SLC26A5: variants seen among roughly 807,000 people sequenced by gnomAD.
The protein encoded by SLC26A5 is solute carrier family 26 member 5, also known as prestin.
A neutral mutation model predicts 81.0 loss-of-function variants in SLC26A5; 51 were observed. The ratio of observed to expected loss-of-function variants is 0.63; its 90% CI spans 0.50 to 0.80. The LOEUF (loss-of-function observed/expected upper bound fraction) is 0.80. Among genes scored for constraint, SLC26A5 ranks in the 30% least tolerant of loss-of-function variants. The pLI, the probability that SLC26A5 is intolerant of heterozygous loss-of-function variation, is 0.00. For synonymous variants in SLC26A5, 325 were observed against 332.8 expected (o/e 0.98, Z 0.25); for missense variants, 771 against 905.8 (o/e 0.85, Z 1.91).
Position 103,398,051 on chromosome 7 carries a change from G to T in SLC26A5, c.889-37C>A, listed in dbSNP as rs776411168. ...CAAATCCAAATGCACCTTTAGAGAT[G>T]AATGTTCAAATACTGCAAAAATCAG... On this transcript the variant is annotated intron_variant, in intron 8 of 19. Transcript: ENST00000306312. 7.9e-6 allele frequency: 12 copies of T among 1,517,580 alleles called. No individual in the cohort carries two copies. The Admixed American group carries it at 1.8e-4, about 23-fold the overall frequency. 94.0% of individuals were successfully genotyped at this position (1,517,580 alleles called of 1,614,324 possible).
intron 8 of SLC26A5, among the ~76,000 whole-genome samples, chr7:103,403,274 A>G: frequency 6.6e-6 from 1 of 152,086 alleles, no homozygotes. Context: ...GTATTTGCTA[A>G]GTGTTTTACT....
intron 4 of SLC26A5, among the ~76,000 whole-genome samples, chr7:103,420,222 T>C (rs1336347102): frequency 6.6e-6 from 1 of 151,068 alleles, no homozygotes; most frequent in Admixed American, 6.6e-5. Flanking sequence ...AGTGGTAAGA[T>C]AATGCCCAAG....
At chr7:103,419,829 C>A (rs931125780) in intron 4 of SLC26A5, among the ~76,000 whole-genome samples, 1 of 152,090 alleles carries the variant, frequency 6.6e-6, no homozygotes, top group Non-Finnish European at 1.5e-5. Context: ...TAAGCCACCA[C>A]AGCCGGCCCT....
intron 19 of SLC26A5, among the ~76,000 whole-genome samples, chr7:103,356,236 T>G (rs1415051900): frequency 6.6e-6 from 1 of 152,202 alleles, no homozygotes; most frequent in African/African-American, 2.4e-5. Flanking sequence ...TTTCTTGTGT[T>G]TTTAAAAAAT....
intron 19 of SLC26A5, 39 bp downstream of exon 19, chr7:103,376,768 TA>T: frequency 7.1e-7 from 1 of 1,412,016 alleles, no homozygotes; most frequent in Non-Finnish European, 1.0e-6. Flanking sequence ...GAAACAAAAC[TA>T]AAATATTAAG....
chr7:103,363,268 A>C, intron 19 of SLC26A5: 1 of 1,145,310 alleles, frequency 8.7e-7, no homozygotes, highest in Non-Finnish European at 1.3e-6. Flanking sequence ...TTAAGGTATT[A>C]GGTCTATTCT....
chr7:103,404,248 G>T (rs1823845584), intron 8 of SLC26A5, among the ~76,000 whole-genome samples: 1 of 151,852 alleles, frequency 6.6e-6, no homozygotes, highest in Admixed American at 6.6e-5. Context: ...TGGTTATTTT[G>T]CCCATTAGTT....
intron 14 of SLC26A5, chr7:103,388,574 G>C (rs1822394263): frequency 9.6e-6 from 3 of 311,646 alleles, no homozygotes. Flanking sequence ...GATAACAAGG[G>C]AAAGTGGTTC....
chr7:103,398,101 C>A, intron 8 of SLC26A5, 87 bp from the exon 9 acceptor site: 2 of 976,028 alleles, frequency 2.0e-6, no homozygotes, highest in Non-Finnish European at 3.3e-6. Flanking sequence ...TTAGTCAAGT[C>A]AAATCTATTC....
chr7:103,401,549 T>C (rs1017002214), intron 8 of SLC26A5, among the ~76,000 whole-genome samples: 1 of 152,208 alleles, frequency 6.6e-6, no homozygotes, highest in African/African-American at 2.4e-5. Flanking sequence ...GAATACCCTT[T>C]ATTTCTTTCT....
At chr7:103,362,095 T>C (rs769997621) in intron 19 of SLC26A5, 2 of 1,612,344 alleles carry the variant, frequency 1.2e-6, no homozygotes, top group Non-Finnish European at 1.7e-6. Context: ...TGGGGTAAGA[T>C]TTCTATTTAC....
At chr7:103,436,711 T>C (rs906747491) in intron 2 of SLC26A5, among the ~76,000 whole-genome samples, 11 of 152,186 alleles carry the variant, frequency 7.2e-5, no homozygotes, top group Non-Finnish European at 1.5e-4. Context: ...GTCTCTTCAA[T>C]AAATGGTGCT....
At chr7:103,365,286 C>T (rs1820651545) in intron 19 of SLC26A5, among the ~76,000 whole-genome samples, 1 of 152,012 alleles carries the variant, frequency 6.6e-6, no homozygotes, top group African/African-American at 2.4e-5. Flanking sequence ...TATTTTAAGG[C>T]TGGCAAGATT....
chr7:103,353,466 C>G (rs896969787), intron 19 of SLC26A5, among the ~76,000 whole-genome samples: 14 of 152,158 alleles, frequency 9.2e-5, no homozygotes, highest in African/African-American at 3.4e-4. Flanking sequence ...GCCACCATGC[C>G]AGGCCAATTT....
At chr7:103,428,311 A>C (rs1825838679) in intron 2 of SLC26A5, among the ~76,000 whole-genome samples, 1 of 152,200 alleles carries the variant, frequency 6.6e-6, no homozygotes, top group Non-Finnish European at 1.5e-5. Context: ...TTAGGGCTAA[A>C]AAATGCTTGC....
chr7:103,424,215 C>T (rs1338479401), intron 2 of SLC26A5, among the ~76,000 whole-genome samples: 1 of 152,178 alleles, frequency 6.6e-6, no homozygotes, highest in Admixed American at 6.5e-5. Flanking sequence ...ATCTTCCAAA[C>T]CCTTGTTCTG....
At chr7:103,371,886 A>G (rs1341452511), downstream of SLC26A5, among the ~76,000 whole-genome samples, 3 of 150,832 alleles carry the variant, frequency 2.0e-5, no homozygotes, top group Non-Finnish European at 4.4e-5. Flanking sequence ...AAATAGAGAC[A>G]GGGTTTCACC....
At chr7:103,370,766 T>C (rs987821371), downstream of SLC26A5, among the ~76,000 whole-genome samples, 12 of 152,202 alleles carry the variant, frequency 7.9e-5, no homozygotes, top group African/African-American at 2.2e-4. Context: ...GGTTCACAAA[T>C]GTTTTCAAAC....
downstream of SLC26A5, among the ~76,000 whole-genome samples, chr7:103,370,948 C>T (rs1462383522): frequency 6.6e-6 from 1 of 152,040 alleles, no homozygotes; most frequent in Non-Finnish European, 1.5e-5. Context: ...TTTGATAGGA[C>T]AATATGAACC....
Sources: allele counts gnomAD v4.1 joint callset (sites outside exome capture counted in the v4.1 genomes callset), GRCh38; gene constraint gnomAD v4.1.1; transcripts MANE v1.5; gene names NCBI Gene and HGNC (gene_info 2026-07-23, HGNC 2026-07-21).